The following OPRD1 variants were observed in gnomAD, a reference collection of about 807,000 sequenced individuals.
OPRD1 encodes delta-type opioid receptor.
In OPRD1, 19 loss-of-function variants were observed where a neutral mutation model predicts 17.5. The ratio of observed to expected loss-of-function variants is 1.09; its 90% confidence interval spans 0.76 to 1.60. The LOEUF (loss-of-function observed/expected upper bound fraction) is 1.60, where lower values mean the gene tolerates loss of function less well. Among genes scored for constraint, OPRD1 ranks in the 40% most tolerant of loss-of-function variants. OPRD1 has a pLI of 0.00. For missense variants in OPRD1, 483 were observed against 547.2 expected, an observed-to-expected ratio of 0.88 and a Z score of 1.17; for synonymous variants, 256 against 240.9, an observed-to-expected ratio of 1.06 and a Z score of -0.58.
intron 1 of OPRD1, among the ~76,000 whole-genome samples, chr1:28,852,715 A>AT (rs1169629097): frequency 6.6e-6 from 1 of 151,256 alleles, no homozygotes. Context: ...CTTTTTATTT[A>AT]TTTTTTATTT....
At chr1:28,825,280 C>G (rs752835193) in intron 1 of OPRD1, among the ~76,000 whole-genome samples, 4 of 152,202 alleles carry the variant, frequency 2.6e-5, no homozygotes, top group African/African-American at 9.6e-5. Flanking sequence ...AACTGCTTTT[C>G]CTATCCCCTT....
At chr1:28,834,729 G>A (rs2088836204) in intron 1 of OPRD1, among the ~76,000 whole-genome samples, 1 of 152,142 alleles carries the variant, frequency 6.6e-6, no homozygotes, top group Non-Finnish European at 1.5e-5. Context: ...GATTTGGTCT[G>A]TAGAGTTGTT....
At chr1:28,837,790 G>A (rs1485647242) in intron 1 of OPRD1, among the ~76,000 whole-genome samples, 2 of 149,890 alleles carry the variant, frequency 1.3e-5, no homozygotes, top group Non-Finnish European at 3.0e-5. Context: ...TTCCAAAGTG[G>A]GATTACAGGT....
chr1:28,862,701 G>T (rs1458942323), intron 2 of OPRD1, 41 bp from the exon 3 acceptor site: 2 of 1,537,240 alleles, frequency 1.3e-6, no homozygotes, highest in Non-Finnish European at 1.7e-6. Flanking sequence ...AGGCACACAG[G>T]CCCCTCACCC....
chr1:28,848,340 A>G (rs2124282157), intron 1 of OPRD1, among the ~76,000 whole-genome samples: 1 of 152,268 alleles, frequency 6.6e-6, no homozygotes, highest in South Asian at 2.1e-4. Flanking sequence ...TTCAGTTCAT[A>G]GCACACCTCC....
chr1:28,818,123 C>T (rs2088685442), intron 1 of OPRD1, among the ~76,000 whole-genome samples: 1 of 152,224 alleles, frequency 6.6e-6, no homozygotes, highest in South Asian at 2.1e-4. Flanking sequence ...ATGCCCTGCG[C>T]TGTGGTTTCC....
At chr1:28,852,738 A>G (rs1215224224) in intron 1 of OPRD1, among the ~76,000 whole-genome samples, 4 of 151,172 alleles carry the variant, frequency 2.6e-5, no homozygotes, top group African/African-American at 9.7e-5. Context: ...TATTTTTGAG[A>G]TGGAGTTTTG....
In OPRD1 at chr1:28,823,190, C is replaced by CTT. The variant is rs773578102; in HGVS notation, c.227+10603_227+10604dup. Among the ~76,000 whole-genome samples the CTT allele has an allele frequency of 2.4e-3, 249 of 101,916 alleles. 4 individuals are homozygous for CTT. The highest frequency in any genetic ancestry group is 4.2e-3 in the African/African-American group (101 of 24,162). The allele number at this position is 101,916 out of a possible 152,430, so 66.9% of individuals were successfully genotyped here. A position where few individuals can be genotyped will look rare whatever the true frequency, so the allele number is the denominator to read the frequency against. ...CAGAAAGAATCTTTTCTTCTGTAGTCTTTTTTTTTTTTTTTTTTTTTTTTG... is the reference window on the plus strand; with the variant it reads ...CAGAAAGAATCTTTTCTTCTGTAGTCTTTTTTTTTTTTTTTTTTTTTTTTTTG... On this transcript the variant is annotated intron_variant, in intron 1 of 2. Coordinates refer to ENST00000234961, the MANE Select transcript of OPRD1 (RefSeq NM_000911.4).
chr1:28,847,989 C>T (rs2124281855), intron 1 of OPRD1, among the ~76,000 whole-genome samples: 1 of 152,234 alleles, frequency 6.6e-6, no homozygotes, highest in Admixed American at 6.5e-5. Flanking sequence ...TGGCTCATGC[C>T]TGTAATCCCA....
chr1:28,819,592 G>A (rs1215344641), intron 1 of OPRD1, among the ~76,000 whole-genome samples: 1 of 152,220 alleles, frequency 6.6e-6, no homozygotes, highest in East Asian at 1.9e-4. Flanking sequence ...CTGCACCACA[G>A]CCCTGTGATG....
intron 1 of OPRD1, among the ~76,000 whole-genome samples, chr1:28,849,701 A>G (rs12749204): frequency 0.16 from 24,776 of 152,234 alleles, 2,358 homozygotes; most frequent in Admixed American, 0.24. Flanking sequence ...AAATGTTTGA[A>G]GCAAGTAAAA....
At position 28,866,563 on chromosome 1, in the gene OPRD1, G is replaced by C. The variant is rs919514826; in HGVS notation, c.*3280G>C. On this transcript the variant is annotated 3_prime_UTR_variant, in exon 3 of 3. Transcript: ENST00000234961. ...TGAGGACAAAGAGAGCTGAGGCTGA[G>C]AGAGGTCAGGCTACTTGCTCCTAAG... The C allele has an allele frequency of 6.6e-6, 1 of 152,200 alleles. No homozygotes were observed. The highest frequency in any genetic ancestry group is 2.4e-5 in the African/African-American group (1 of 41,440). The allele number at this position is 152,200 out of a possible 1,614,324, so 9.4% of individuals were successfully genotyped here.
At position 28,863,499 on chromosome 1, in the gene OPRD1, G is replaced by T. The variant is rs1254477681; in HGVS notation, c.*216G>T. ...GCGAGGCAGAGGACAGATCAATGGC[G>T]CAGTGCCTCTGGTCTGGGTGCCCCG... is the stretch of plus-strand genomic sequence containing the variant. On this transcript the variant is annotated 3_prime_UTR_variant, in exon 3 of 3. Transcript: ENST00000234961. 5 of 510,224 alleles carry T rather than the reference G, an allele frequency of 9.8e-6. No homozygotes were observed. The highest frequency in any genetic ancestry group is 3.9e-5 in the South Asian group (1 of 25,756). The allele number at this position is 510,224 out of a possible 1,614,324, so 31.6% of individuals were successfully genotyped here.
At chr1:28,820,147 C>T (rs1420687014) in intron 1 of OPRD1, among the ~76,000 whole-genome samples, 1 of 150,502 alleles carries the variant, frequency 6.6e-6, no homozygotes, top group Non-Finnish European at 1.5e-5. Flanking sequence ...GTCACACTTG[C>T]TTTGCATTCA....
chr1:28,851,291 G>A (rs1472290367), intron 1 of OPRD1, among the ~76,000 whole-genome samples: 8 of 152,176 alleles, frequency 5.3e-5, no homozygotes, highest in Non-Finnish European at 1.2e-4. Context: ...CAATGAGGGA[G>A]CCATGCCTTC....
At chr1:28,819,702 G>A (rs1395480421) in intron 1 of OPRD1, among the ~76,000 whole-genome samples, 1 of 152,210 alleles carries the variant, frequency 6.6e-6, no homozygotes, top group African/African-American at 2.4e-5. Flanking sequence ...TCCAACCCAG[G>A]CCTCTCTGAC....
Position 28,866,334 on chromosome 1 carries a change from G to A in OPRD1, c.*3051G>A, listed in dbSNP as rs2089175550. On this transcript the variant is annotated 3_prime_UTR_variant, in exon 3 of 3. Transcript: ENST00000234961. ...GGTCGGGGACCCTGAAGGATGAATAGGAGTTGGCCACCAAAAAGAGGAAAT... is the reference window on the plus strand; with the variant it reads ...GGTCGGGGACCCTGAAGGATGAATAAGAGTTGGCCACCAAAAAGAGGAAAT... The A allele has an allele frequency of 6.6e-6, 1 of 152,260 alleles. No homozygotes were observed. The highest frequency in any genetic ancestry group is 1.5e-5 in the Non-Finnish European group (1 of 68,048). 9.4% of individuals were successfully genotyped at this position (152,260 alleles called of 1,614,324 possible).
intron 1 of OPRD1, among the ~76,000 whole-genome samples, chr1:28,815,845 G>A (rs956919113): frequency 6.6e-6 from 1 of 152,182 alleles, no homozygotes; most frequent in African/African-American, 2.4e-5. Flanking sequence ...TGCAAGGGAA[G>A]ATTCAGAGAC....
chr1:28,823,585 G>C (rs929434852), intron 1 of OPRD1, among the ~76,000 whole-genome samples: 1 of 151,788 alleles, frequency 6.6e-6, no homozygotes. Flanking sequence ...TTGTAGAGAC[G>C]GGGTTTCACC....
Sources: gnomAD v4.1 joint callset for allele counts (sites outside exome capture counted in the v4.1 genomes callset) on GRCh38, gnomAD v4.1.1 for gene constraint, MANE v1.5 for transcripts, NCBI Gene and HGNC (gene_info 2026-07-23, HGNC 2026-07-21) for gene names.